The following SH3BP2 variants were observed in gnomAD, a reference collection of about 807,000 sequenced individuals.
SH3BP2 encodes the protein SH3 domain-binding protein 2.
Under a neutral mutation model 56.2 loss-of-function variants are expected in SH3BP2, and 38 were observed. The ratio of observed to expected loss-of-function variants is 0.68; its 90% CI spans 0.52 to 0.89. The LOEUF (loss-of-function observed/expected upper bound fraction) is 0.89. Ranked by LOEUF, SH3BP2 falls within the 40% of genes least tolerant of loss-of-function variation. The pLI is 0.00. For missense variants in SH3BP2, 748 were observed against 762.6 expected (o/e 0.98, Z 0.23); for synonymous variants, 346 against 316.7 (o/e 1.09, Z -0.98).
chr4:2,827,414 T>C, intron 6 of SH3BP2, 96 bp downstream of exon 6: 1 of 1,323,968 alleles, frequency 7.6e-7, no homozygotes, highest in Admixed American at 1.7e-5. Flanking sequence ...TCGGCTGTGC[T>C]CCTTGCTCTG....
chr4:2,800,279 G>A (rs1723214576), intron 1 of SH3BP2, among the ~76,000 whole-genome samples: 1 of 152,160 alleles, frequency 6.6e-6, no homozygotes, highest in Non-Finnish European at 1.5e-5. Flanking sequence ...CTGGCAGACA[G>A]TGGCATGGTC....
chr4:2,820,498 A>G (rs1724241532), intron 1 of SH3BP2, 116 bp from the exon 2 acceptor site: 1 of 1,357,126 alleles, frequency 7.4e-7, no homozygotes, highest in South Asian at 1.2e-5. Context: ...CTTGCCTGTC[A>G]TGGCCCTACC....
chr4:2,797,821 C>G (rs1414198320), intron 1 of SH3BP2, among the ~76,000 whole-genome samples: 1 of 152,172 alleles, frequency 6.6e-6, no homozygotes, highest in Non-Finnish European at 1.5e-5. Flanking sequence ...GCCGGCTCTC[C>G]CAGCCTCCCA....
intron 1 of SH3BP2, among the ~76,000 whole-genome samples, chr4:2,800,568 G>A (rs1324109255): frequency 6.6e-6 from 1 of 151,014 alleles, no homozygotes; most frequent in Non-Finnish European, 1.5e-5. Flanking sequence ...CCGGGCTGAT[G>A]ACGGGCCAGG....
At chr4:2,801,244 G>A (rs1256370371) in intron 1 of SH3BP2, among the ~76,000 whole-genome samples, 8 of 152,188 alleles carry the variant, frequency 5.3e-5, no homozygotes, top group African/African-American at 1.7e-4. Flanking sequence ...ACAGTGGAGC[G>A]TTGTGAGGGG....
Position 2,834,357 on chromosome 4 carries a change from A to G in SH3BP2, c.*523A>G, listed in dbSNP as rs1725160236. On this transcript the variant is annotated 3_prime_UTR_variant, in exon 13 of 13. Coordinates refer to ENST00000503393, the MANE Select transcript of SH3BP2 (RefSeq NM_001122681.2). Reference sequence around the variant, plus strand: ...TTACTGGGTGCCCATGCTGATGTCTAAGTGGTGACCGCAGCAGTACCCGGG... The same window carrying G: ...TTACTGGGTGCCCATGCTGATGTCTGAGTGGTGACCGCAGCAGTACCCGGG... The G allele has an allele frequency of 6.4e-6, 1 of 155,724 alleles. No individual in the cohort carries two copies. The highest frequency in any genetic ancestry group is 6.3e-5 in the Admixed American group (1 of 15,832). The allele number at this position is 155,724 out of a possible 1,614,324, so 9.6% of individuals were successfully genotyped here.
chr4:2,829,936 C>T lies in SH3BP2; in HGVS notation c.1030C>T (p.Pro344Ser). 1 of 1,613,590 alleles carries T rather than the reference C, an allele frequency of 6.2e-7. No individual in the cohort carries two copies. Among genetic ancestry groups the T allele is most frequent in the Non-Finnish European group, 8.5e-7 (1 of 1,179,892 alleles). ...GTCCTTCCACCTGTCCCCCCGAGGA[C>T]CACCCACATCTGAGCCCCCACCTGT... is the stretch of plus-strand genomic sequence containing the variant. ...LKSFHLSPRG[P>S]PTSEPPPVPA... The change falls in exon 8 of 13, where the codon CCA (proline) becomes TCA (serine). Residue 344 changes from proline (P) to serine (S), a missense_variant. Physicochemically the swap from Pro to Ser is moderately conservative, Grantham distance 74. Transcript: ENST00000503393. This position sits in a 1 kb window ranked among gnomAD's most constrained non-coding sequence, Gnocchi z 4.9.
chr4:2,828,373 C>T (rs1223576191), intron 7 of SH3BP2, among the ~76,000 whole-genome samples: 3 of 152,090 alleles, frequency 2.0e-5, no homozygotes, highest in Non-Finnish European at 4.4e-5. Context: ...GACCCCGTAT[C>T]CTCTCTGCCT....
At chr4:2,813,915 T>C (rs564307845) in intron 1 of SH3BP2, among the ~76,000 whole-genome samples, 1 of 152,268 alleles carries the variant, frequency 6.6e-6, no homozygotes, top group Non-Finnish European at 1.5e-5. Flanking sequence ...GTGAATAAAG[T>C]GCACAGGGTG....
intron 5 of SH3BP2, chr4:2,826,937 C>T: frequency 1.7e-6 from 1 of 595,274 alleles, no homozygotes; most frequent in Non-Finnish European, 3.2e-6. Context: ...GCCTGTGTTC[C>T]TGCGTGTGCT....
rs180680428 is a variant in SH3BP2, at chr4:2,837,351, G to A, written c.*3517G>A. On this transcript the variant is annotated 3_prime_UTR_variant, in exon 13 of 13. Transcript: ENST00000503393. Reference sequence around the variant, plus strand: ...CCTTGAAAAGATGTTTTTAGAACCAGAAGAAACCTCGGTTCCCACTGATCC... The same window carrying A: ...CCTTGAAAAGATGTTTTTAGAACCAAAAGAAACCTCGGTTCCCACTGATCC... 4.9e-4 allele frequency: 74 copies of A among 152,392 alleles called. No individual in the cohort carries two copies. The highest frequency in any genetic ancestry group is 1.8e-3 in the African/African-American group (73 of 41,586). 9.4% of individuals were successfully genotyped at this position (152,392 alleles called of 1,614,324 possible).
chr4:2,800,677 T>C (rs1036572449), intron 1 of SH3BP2, among the ~76,000 whole-genome samples: 5 of 151,990 alleles, frequency 3.3e-5, no homozygotes, highest in Admixed American at 1.3e-4. Context: ...AGGCCTCGGC[T>C]CCCACGGGTC....
chr4:2,817,316 G>GGA lies in SH3BP2; in HGVS notation c.-4-3294_-4-3293dup, dbSNP rs1166811980. ...GTGGAGGGGGTTGCCAAGAGGCAAT[G>GGA]GAGAGGGGCCTGGCAGGGCGGCTGG... On this transcript the variant is annotated intron_variant, in intron 1 of 12. Transcript: ENST00000503393. Among the ~76,000 whole-genome samples, 11 of 152,310 alleles carry GGA rather than the reference G, an allele frequency of 7.2e-5. No homozygotes were observed. The Middle Eastern group carries it at 0.014, about 188-fold the overall frequency.
In SH3BP2 at chr4:2,831,346, G is replaced by A. The variant is rs1007184558; in HGVS notation, c.1242-225G>A. Among the ~76,000 whole-genome samples the A allele has an allele frequency of 2.6e-5, 4 of 152,178 alleles. No homozygotes were observed. Among genetic ancestry groups the A allele is most frequent in the African/African-American group, 9.7e-5 (4 of 41,436 alleles). ...CTGGACTCCCTTGCCAGCATCCATG[G>A]CAGCCCTGACCCCTGACTCCGGTGT... On this transcript the variant is annotated intron_variant, in intron 8 of 12. Transcript: ENST00000503393. This position sits in a 1 kb window ranked among gnomAD's most constrained non-coding sequence, Gnocchi z 4.1.
In SH3BP2 at chr4:2,823,245, G is replaced by T. The variant is rs1724407834; in HGVS notation, c.239+208G>T. 4 of 606,832 alleles carry T rather than the reference G, an allele frequency of 6.6e-6. No homozygotes were observed. The East Asian group carries it at 1.2e-4, about 19-fold the overall frequency. The allele number at this position is 606,832 out of a possible 1,614,324, so 37.6% of individuals were successfully genotyped here. ...CTGCCCTCAGGCGCAGGACCTTGGGGGTGCCAGGGTCTTCCTGTGGCTTTG... is the reference window on the plus strand; with the variant it reads ...CTGCCCTCAGGCGCAGGACCTTGGGTGTGCCAGGGTCTTCCTGTGGCTTTG... On this transcript the variant is annotated intron_variant, in intron 3 of 12. Transcript: ENST00000503393.
rs534235482 is a variant in SH3BP2, at chr4:2,796,558, C to G, written c.-5+3420C>G. On this transcript the variant is annotated intron_variant, in intron 1 of 12. Coordinates refer to ENST00000503393, the MANE Select transcript of SH3BP2 (RefSeq NM_001122681.2). ...TCTGGGAAGAATGTGGGCTCGGCCA[C>G]CTGGAGCAGTTGCCTGGGGAGATCA... is the stretch of plus-strand genomic sequence containing the variant. The G allele has an allele frequency of 1.2e-5, 9 of 747,982 alleles. No individual in the cohort carries two copies. The African/African-American group carries it at 1.7e-4, about 14-fold the overall frequency. The allele number at this position is 747,982 out of a possible 1,614,324, so 46.3% of individuals were successfully genotyped here. A position where few individuals can be genotyped will look rare whatever the true frequency, so the allele number is the denominator to read the frequency against.
chr4:2,824,587 C>A, intron 3 of SH3BP2, 26 bp from the exon 4 acceptor site: 1 of 1,570,734 alleles, frequency 6.4e-7, no homozygotes, highest in South Asian at 1.1e-5. Flanking sequence ...TGAACCAGGC[C>A]GTGACCCCTG....
chr4:2,796,029 C>G (rs1029233046), intron 1 of SH3BP2, among the ~76,000 whole-genome samples: 3 of 152,182 alleles, frequency 2.0e-5, no homozygotes, highest in Non-Finnish European at 4.4e-5. Flanking sequence ...CTCACCACCC[C>G]TTGGCCTGTG....
rs62620003 is a variant in SH3BP2, at chr4:2,824,745, G to T, written c.357+15G>T. ...AGGAGCGCAAGGTGACTGGGGGTCC[G>T]AGGACGAGTGCAAGGTGACTGGGGG... On this transcript the variant is annotated intron_variant, in intron 4 of 12. Coordinates refer to ENST00000503393, the MANE Select transcript of SH3BP2 (RefSeq NM_001122681.2). 68,710 of 1,573,094 alleles carry T rather than the reference G, an allele frequency of 0.044. 1,784 individuals are homozygous for T. The highest frequency in any genetic ancestry group is 0.091 in the South Asian group (8,238 of 90,346).
Sources: gnomAD v4.1 joint callset for allele counts (sites outside exome capture counted in the v4.1 genomes callset) on GRCh38, gnomAD v4.1.1 for gene constraint, Gnocchi (gnomAD v3.1) non-coding constraint, MANE v1.5 for transcripts, NCBI Gene and HGNC (gene_info 2026-07-23, HGNC 2026-07-21) for gene names.